CHST9: variants seen among roughly 807,000 people sequenced by gnomAD.
CHST9 encodes the protein carbohydrate sulfotransferase 9, also known as GalNAc-4-sulfotransferase 2.
CHST9 carries 41 observed loss-of-function variants against 44.4 expected under a neutral mutation model. That is an observed-to-expected ratio of 0.92 (90% CI 0.72 to 1.20). The LOEUF (loss-of-function observed/expected upper bound fraction) is 1.20, where lower values mean the gene tolerates loss of function less well. CHST9 is among the 50% of genes most tolerant of loss of function. The pLI, the probability that CHST9 is intolerant of heterozygous loss-of-function variation, is 0.00. For synonymous variants in CHST9, 171 were observed against 178.4 expected, an observed-to-expected ratio of 0.96 and a Z score of 0.33; for missense variants, 504 against 516.5, an observed-to-expected ratio of 0.98 and a Z score of 0.23.
chr18:27,038,727 A>G (rs1056094605), intron 3 of CHST9, among the ~76,000 whole-genome samples: 17 of 152,064 alleles, frequency 1.1e-4, no homozygotes, highest in Non-Finnish European at 1.2e-4. Flanking sequence ...ATTAACCATA[A>G]CTTTATTGTT....
At chr18:27,090,945 T>C (rs2058062419) in intron 2 of CHST9, among the ~76,000 whole-genome samples, 1 of 152,202 alleles carries the variant, frequency 6.6e-6, no homozygotes, top group Non-Finnish European at 1.5e-5. Context: ...TTTGGTTCCA[T>C]ATGAACTTTA....
At chr18:27,021,343 C>T (rs1044619978) in intron 4 of CHST9, among the ~76,000 whole-genome samples, 3 of 152,106 alleles carry the variant, frequency 2.0e-5, no homozygotes, top group Admixed American at 6.5e-5. Flanking sequence ...AACAACAAGT[C>T]ACAGGATCAC....
At chr18:26,933,172 G>C (rs2055912521) in intron 5 of CHST9, 1 of 153,762 alleles carries the variant, frequency 6.5e-6, no homozygotes, top group Admixed American at 6.5e-5. Context: ...AGTAACTTGG[G>C]AAATGGGGGA....
chr18:26,931,034 C>A (rs1020683419), intron 5 of CHST9, among the ~76,000 whole-genome samples: 1 of 152,144 alleles, frequency 6.6e-6, no homozygotes, highest in Admixed American at 6.5e-5. Flanking sequence ...GCAATGCTAA[C>A]CACAATAGCT....
intron 4 of CHST9, among the ~76,000 whole-genome samples, chr18:26,999,230 T>C (rs1230874430): frequency 6.6e-6 from 1 of 152,184 alleles, no homozygotes; most frequent in Non-Finnish European, 1.5e-5. Context: ...GCTGTCGATT[T>C]ATGGTTCAGA....
chr18:27,114,193 T>C (rs1021271220), intron 2 of CHST9, among the ~76,000 whole-genome samples: 5 of 152,192 alleles, frequency 3.3e-5, no homozygotes, highest in Non-Finnish European at 7.3e-5. Flanking sequence ...ATGTTTTATG[T>C]TTGAGGATTA....
intron 1 of CHST9, among the ~76,000 whole-genome samples, chr18:27,166,795 G>A (rs1221997708): frequency 6.6e-6 from 1 of 152,118 alleles, no homozygotes; most frequent in East Asian, 1.9e-4. Flanking sequence ...ATTGGCCTAA[G>A]ACAGATCAAC....
At chr18:26,946,230 A>G (rs549658541) in intron 4 of CHST9, among the ~76,000 whole-genome samples, 8 of 152,340 alleles carry the variant, frequency 5.3e-5, no homozygotes, top group African/African-American at 1.7e-4. Flanking sequence ...ATTACAGATC[A>G]CTGGTGTTTA....
At chr18:26,956,359 A>G in intron 4 of CHST9, among the ~76,000 whole-genome samples, 1 of 144,896 alleles carries the variant, frequency 6.9e-6, no homozygotes, top group East Asian at 2.0e-4. Flanking sequence ...ACACAATTAT[A>G]TCATATATAC....
rs1360628498 is a variant in CHST9 at position 27,066,131 on chromosome 18, TG to T, written c.122-17629del. Reference sequence around the variant, plus strand: ...TACCTCATGAAGGGTGGGAGACTTTTGGATCTGGGCAACAAAGTCAAAAGGA... The same window carrying T: ...TACCTCATGAAGGGTGGGAGACTTTTGATCTGGGCAACAAAGTCAAAAGGA... On this transcript the variant is annotated intron_variant, in intron 2 of 5. Coordinates refer to ENST00000618847, the MANE Select transcript of CHST9 (RefSeq NM_031422.6). Among the ~76,000 whole-genome samples, 30 of 152,356 alleles carry T rather than the reference TG, an allele frequency of 2.0e-4. No individual in the cohort carries two copies. The South Asian group carries it at 5.2e-3, about 26-fold the overall frequency.
intron 2 of CHST9, among the ~76,000 whole-genome samples, chr18:27,052,245 GGTGT>G (rs201335561): frequency 6.7e-6 from 1 of 150,366 alleles, no homozygotes; most frequent in Non-Finnish European, 1.5e-5. Flanking sequence ...TGTATATATA[GGTGT>G]GTGTGTATAT....
chr18:27,018,407 T>C (rs1217900627), intron 4 of CHST9, among the ~76,000 whole-genome samples: 1 of 152,028 alleles, frequency 6.6e-6, no homozygotes, highest in East Asian at 1.9e-4. Flanking sequence ...TGCTAATTAT[T>C]TTCATACAAG....
chr18:27,057,251 C>T (rs1260053506), intron 2 of CHST9, among the ~76,000 whole-genome samples: 1 of 152,122 alleles, frequency 6.6e-6, no homozygotes, highest in Non-Finnish European at 1.5e-5. Context: ...ATTATGCAAA[C>T]AGGGATGTGA....
At chr18:27,003,831 T>C (rs1415550411) in intron 4 of CHST9, among the ~76,000 whole-genome samples, 1 of 152,136 alleles carries the variant, frequency 6.6e-6, no homozygotes, top group African/African-American at 2.4e-5. Context: ...CCATGAAATA[T>C]GTTTTTCTGC....
chr18:26,999,417 C>T (rs1020104093), intron 4 of CHST9, among the ~76,000 whole-genome samples: 9 of 152,282 alleles, frequency 5.9e-5, no homozygotes, highest in African/African-American at 2.2e-4. Context: ...TGCTATAATT[C>T]ATTTTTCAAA....
intron 2 of CHST9, among the ~76,000 whole-genome samples, chr18:27,087,216 T>C (rs1055521306): frequency 6.6e-6 from 1 of 152,138 alleles, no homozygotes; most frequent in African/African-American, 2.4e-5. Context: ...CTTCTAAAAA[T>C]TTATGTTTAT....
intron 3 of CHST9, among the ~76,000 whole-genome samples, chr18:27,032,242 T>C (rs1325236393): frequency 6.6e-6 from 1 of 152,104 alleles, no homozygotes; most frequent in Non-Finnish European, 1.5e-5. Context: ...AAACACCCCG[T>C]ATGTGAAGCC....
intron 3 of CHST9, among the ~76,000 whole-genome samples, chr18:27,035,549 TA>T (rs1311416212): frequency 1.3e-5 from 2 of 152,016 alleles, no homozygotes; most frequent in East Asian, 3.9e-4. Context: ...GTATATGTAT[TA>T]TATATGTGTA....
At chr18:27,148,475 T>C (rs1232750049) in intron 1 of CHST9, among the ~76,000 whole-genome samples, 4 of 145,810 alleles carry the variant, frequency 2.7e-5, no homozygotes, top group African/African-American at 1.0e-4. Context: ...TTCTCATTGT[T>C]CAATTCCCAC....
Sources: gnomAD v4.1 joint callset for allele counts (sites outside exome capture counted in the v4.1 genomes callset) on GRCh38, gnomAD v4.1.1 for gene constraint, MANE v1.5 for transcripts, NCBI Gene and HGNC (gene_info 2026-07-23, HGNC 2026-07-21) for gene names.